Variants in FOXP2 observed in about 807,000 individuals in gnomAD.
FOXP2 encodes the protein forkhead box P2.
FOXP2 carries 12 observed loss-of-function variants against 115.8 expected under a neutral mutation model. The observed-to-expected ratio is 0.10, with a 90% CI of 0.07 to 0.17. The LOEUF is 0.17. FOXP2 is among the 10% of genes least tolerant of loss of function. FOXP2 has a pLI of 1.00. For synonymous variants in FOXP2, 328 were observed against 297.7 expected (o/e 1.10, Z -1.05); for missense variants, 629 against 843.5 (o/e 0.75, Z 3.15).
intron 1 of FOXP2, among the ~76,000 whole-genome samples, chr7:114,418,382 G>A (rs1793448196): frequency 6.6e-6 from 1 of 151,900 alleles, no homozygotes; most frequent in South Asian, 2.1e-4. Context: ...ACGTCATGAT[G>A]AGCTATGTCT....
intron 9 of FOXP2, among the ~76,000 whole-genome samples, chr7:114,652,636 A>G (rs1217334001): frequency 2.6e-5 from 4 of 152,134 alleles, no homozygotes; most frequent in Admixed American, 1.3e-4. Flanking sequence ...TACATGAGCT[A>G]ACCTTGATTT....
At chr7:114,441,773 G>A (rs926169267) in intron 2 of FOXP2, among the ~76,000 whole-genome samples, 1 of 152,168 alleles carries the variant, frequency 6.6e-6, no homozygotes, top group Non-Finnish European at 1.5e-5. Flanking sequence ...CACTTCATTA[G>A]TCATTAGGGA....
At chr7:114,567,579 C>G (rs11760306) in intron 3 of FOXP2, among the ~76,000 whole-genome samples, 17,934 of 152,056 alleles carry the variant, frequency 0.12, 1,206 homozygotes, top group African/African-American at 0.17. Context: ...CCTTTTCACT[C>G]TTAAAAGATT....
intron 16 of FOXP2, among the ~76,000 whole-genome samples, chr7:114,687,540 A>G (rs1298900902): frequency 6.6e-6 from 1 of 152,188 alleles, no homozygotes; most frequent in African/African-American, 2.4e-5. Context: ...CAAACCACAC[A>G]AGCATGTTAC....
chr7:114,450,954 A>G (rs1230673026), intron 2 of FOXP2, among the ~76,000 whole-genome samples: 1 of 152,240 alleles, frequency 6.6e-6, no homozygotes, highest in South Asian at 2.1e-4. Flanking sequence ...AGATACACGT[A>G]TAATTTTGAT....
intron 1 of FOXP2, among the ~76,000 whole-genome samples, chr7:114,239,972 A>G (rs1459724329): frequency 1.3e-5 from 2 of 152,196 alleles, no homozygotes; most frequent in African/African-American, 2.4e-5. Flanking sequence ...GTTTTATCAA[A>G]TATGGGCAAG....
chr7:114,144,356 T>G (rs1444197929), intron 1 of FOXP2, among the ~76,000 whole-genome samples: 7 of 152,174 alleles, frequency 4.6e-5, no homozygotes, highest in Admixed American at 3.9e-4. Context: ...CTGTCTCTAA[T>G]GTAAAGCAGT....
At chr7:114,581,103 A>ACG (rs1330910009) in intron 3 of FOXP2, among the ~76,000 whole-genome samples, 1 of 151,400 alleles carries the variant, frequency 6.6e-6, no homozygotes, top group Admixed American at 6.6e-5. Flanking sequence ...ACACACACAC[A>ACG]CACAAGCACA....
At chr7:114,558,163 T>C (rs188436453) in intron 3 of FOXP2, among the ~76,000 whole-genome samples, 39 of 152,212 alleles carry the variant, frequency 2.6e-4, no homozygotes, top group Non-Finnish European at 4.0e-4. Context: ...AGAAAGAATA[T>C]TAAGTAATAA....
intron 1 of FOXP2, among the ~76,000 whole-genome samples, chr7:114,180,208 G>A (rs1377408748): frequency 6.6e-6 from 1 of 151,912 alleles, no homozygotes; most frequent in African/African-American, 2.4e-5. Flanking sequence ...ACATCTAAAG[G>A]ACAGTTTTTA....
chr7:114,417,917 G>A (rs1409760669), intron 1 of FOXP2, among the ~76,000 whole-genome samples: 1 of 151,880 alleles, frequency 6.6e-6, no homozygotes, highest in African/African-American at 2.4e-5. Context: ...ATACAGTAAA[G>A]TGCTATGCCC....
chr7:114,692,928 T>C lies in FOXP2; in HGVS notation c.*3002T>C, dbSNP rs1182376655. On this transcript the variant is annotated 3_prime_UTR_variant, in exon 17 of 17. Transcript: ENST00000350908. ...CGTTAGAAGTCATGGTTGAGAATTGTAACAGCTGTTATTCGTTCTGTATTC... is the reference window on the plus strand; with the variant it reads ...CGTTAGAAGTCATGGTTGAGAATTGCAACAGCTGTTATTCGTTCTGTATTC... The C allele has an allele frequency of 2.2e-6, 1 of 453,990 alleles. No homozygotes were observed. The highest frequency in any genetic ancestry group is 4.4e-6 in the Non-Finnish European group (1 of 226,676). 28.1% of individuals were successfully genotyped at this position (453,990 alleles called of 1,614,324 possible).
intron 2 of FOXP2, among the ~76,000 whole-genome samples, chr7:114,402,312 T>C (rs1361976445): frequency 6.6e-6 from 1 of 152,056 alleles, no homozygotes; most frequent in African/African-American, 2.4e-5. Flanking sequence ...AAGATATAAA[T>C]TAAAATGAAA....
chr7:114,647,552 G>A (rs1445811975), intron 8 of FOXP2, among the ~76,000 whole-genome samples: 1 of 151,798 alleles, frequency 6.6e-6, no homozygotes, highest in Non-Finnish European at 1.5e-5. Flanking sequence ...ATGATGAAGG[G>A]AGTCCAGGAT....
At chr7:114,596,210 T>C (rs540739051) in intron 3 of FOXP2, among the ~76,000 whole-genome samples, 1 of 152,202 alleles carries the variant, frequency 6.6e-6, no homozygotes, top group South Asian at 2.1e-4. Flanking sequence ...GTTATCTCCT[T>C]ATGAATAGCT....
chr7:114,469,950 G>A (rs934827806), intron 2 of FOXP2, among the ~76,000 whole-genome samples: 5 of 152,030 alleles, frequency 3.3e-5, no homozygotes, highest in Admixed American at 1.3e-4. Flanking sequence ...TCATACTTAC[G>A]ATAGTCCATA....
intron 1 of FOXP2, among the ~76,000 whole-genome samples, chr7:114,130,996 G>T (rs76086831): frequency 6.6e-6 from 1 of 152,104 alleles, no homozygotes; most frequent in African/African-American, 2.4e-5. Context: ...TGTGAACTTC[G>T]CAGAAATGTT....
chr7:114,237,698 G>T (rs905764479), intron 1 of FOXP2, among the ~76,000 whole-genome samples: 3 of 151,858 alleles, frequency 2.0e-5, no homozygotes, highest in Non-Finnish European at 4.4e-5. Flanking sequence ...TTTAGGCAGG[G>T]CTCAGAGCCT....
At chr7:114,128,577 T>C (rs993059790) in intron 1 of FOXP2, among the ~76,000 whole-genome samples, 1 of 152,032 alleles carries the variant, frequency 6.6e-6, no homozygotes, top group Admixed American at 6.6e-5. Context: ...ATTTTTTCCC[T>C]CAAATAACTC....
Sources: allele counts gnomAD v4.1 joint callset (sites outside exome capture counted in the v4.1 genomes callset), GRCh38; gene constraint gnomAD v4.1.1; transcripts MANE v1.5; gene names NCBI Gene and HGNC (gene_info 2026-07-23, HGNC 2026-07-21).